The following SPRED2 variants were observed in gnomAD, a reference collection of about 807,000 sequenced individuals.
SPRED2 encodes the protein sprouty related EVH1 domain containing 2, also known as sprouty-related, EVH1 domain-containing protein 2.
A neutral mutation model predicts 43.0 loss-of-function variants in SPRED2; 47 were observed. The observed-to-expected ratio is 1.09, with a 90% CI of 0.87 to 1.40. The LOEUF is 1.40. Among genes scored for constraint, SPRED2 ranks in the 40% most tolerant of loss-of-function variants. SPRED2 has a pLI of 0.00. For missense variants in SPRED2, 561 were observed against 586.4 expected (o/e 0.96, Z 0.45); for synonymous variants, 225 against 225.7 (o/e 1.00, Z 0.03).
At chr2:65,405,488 C>T (rs190862822) in intron 1 of SPRED2, among the ~76,000 whole-genome samples, 131 of 152,238 alleles carry the variant, frequency 8.6e-4, no homozygotes, top group African/African-American at 3.1e-3. Flanking sequence ...AGTCTTTTCC[C>T]CCTCTCATCA....
At chr2:65,381,818 T>C (rs909094848) in intron 1 of SPRED2, among the ~76,000 whole-genome samples, 1 of 152,222 alleles carries the variant, frequency 6.6e-6, no homozygotes, top group African/African-American at 2.4e-5. Flanking sequence ...GAAGTCAACA[T>C]GAGACTCCTC....
chr2:65,308,534 AAG>A (rs890837164), downstream of SPRED2: 3 of 985,324 alleles, frequency 3.0e-6, no homozygotes, highest in African/African-American at 3.5e-5. Flanking sequence ...TGTGCCTTGA[AAG>A]AGGTTGTTCT....
In SPRED2 at chr2:65,428,969, GTAAATTT is replaced by G. The variant is rs531442419; in HGVS notation, c.26+2986_26+2992del. On this transcript the variant is annotated intron_variant, in intron 1 of 5. Coordinates refer to ENST00000356388, the MANE Select transcript of SPRED2 (RefSeq NM_181784.3). Reference sequence around the variant, plus strand: ...TATATTTTTAAAAGTCTGTATAATTGTAAATTTTAACATGCATTTTTATGTGGAGGGG... The same window carrying G: ...TATATTTTTAAAAGTCTGTATAATTGTAACATGCATTTTTATGTGGAGGGG... Among the ~76,000 whole-genome samples the G allele has an allele frequency of 2.6e-3, 402 of 152,292 alleles. 1 individual carries two copies. The highest frequency in any genetic ancestry group is 9.4e-3 in the African/African-American group (389 of 41,556).
At position 65,334,692 on chromosome 2, in the gene SPRED2, T is replaced by C; in HGVS notation, c.286A>G (p.Arg96Gly). 6.2e-7 allele frequency: 1 copy of C among 1,614,244 alleles called. No individual in the cohort carries two copies. The highest frequency in any genetic ancestry group is 8.5e-7 in the Non-Finnish European group (1 of 1,180,042). ...CTTTGGAAAGTAAGTCCAAACTTCCTATTATCGACCTTCCAGTGATGAAAC... is the reference window on the plus strand; with the variant it reads ...CTTTGGAAAGTAAGTCCAAACTTCCCATTATCGACCTTCCAGTGATGAAAC... ...PTFHHWKVDNRKFGLTFQSPA... is the reference protein window; with the variant it reads ...PTFHHWKVDNGKFGLTFQSPA... Residue 96 changes from arginine (R) to glycine (G), a missense_variant, in exon 3 of 6, where the codon AGG (arginine) becomes GGG (glycine). Arg to Gly is a moderately radical substitution (Grantham distance 125, BLOSUM62 -2). Coordinates refer to ENST00000356388, the MANE Select transcript of SPRED2 (RefSeq NM_181784.3).
At chr2:65,322,455 G>A (rs1219633657) in intron 4 of SPRED2, among the ~76,000 whole-genome samples, 5 of 151,352 alleles carry the variant, frequency 3.3e-5, no homozygotes, top group African/African-American at 7.3e-5. Flanking sequence ...CACCACACCC[G>A]GCTAATACTT....
At chr2:65,406,966 T>A (rs370496835) in intron 1 of SPRED2, among the ~76,000 whole-genome samples, 1 of 151,444 alleles carries the variant, frequency 6.6e-6, no homozygotes, top group Admixed American at 6.6e-5. Flanking sequence ...TCTCGCTCTG[T>A]CGCCCAGGCT....
At chr2:65,391,087 CAA>C (rs572027285) in intron 1 of SPRED2, among the ~76,000 whole-genome samples, 2,026 of 127,166 alleles carry the variant, frequency 0.016, 63 homozygotes, top group African/African-American at 0.056. Context: ...GACTCCATCT[CAA>C]AAAAAAAAAA....
chr2:65,376,628 G>GT (rs200575757), intron 1 of SPRED2, among the ~76,000 whole-genome samples: 2,358 of 152,132 alleles, frequency 0.015, 28 homozygotes, highest in Non-Finnish European at 0.025. Context: ...ATATTAATAT[G>GT]TATTCTCTCC....
intron 1 of SPRED2, among the ~76,000 whole-genome samples, chr2:65,381,016 C>A (rs898338699): frequency 6.6e-6 from 1 of 152,206 alleles, no homozygotes; most frequent in African/African-American, 2.4e-5. Flanking sequence ...CTCTTAGGAT[C>A]CCCATTTTAG....
intron 2 of SPRED2, among the ~76,000 whole-genome samples, chr2:65,342,484 TTA>T (rs1038074827): frequency 7.3e-5 from 11 of 150,430 alleles, no homozygotes; most frequent in African/African-American, 2.7e-4. Context: ...TATACGTATA[TTA>T]TATATGTATG....
At chr2:65,415,609 A>G (rs1676254074) in intron 1 of SPRED2, among the ~76,000 whole-genome samples, 1 of 152,234 alleles carries the variant, frequency 6.6e-6, no homozygotes, top group Non-Finnish European at 1.5e-5. Context: ...CATCTGTGTT[A>G]CATCACCAAG....
rs66991368 is a variant in SPRED2, at chr2:65,345,259, G to GTTTT, written c.27-367_27-364dup. 6.0e-3 allele frequency among the ~76,000 whole-genome samples: 662 copies of GTTTT among 111,260 alleles called. 4 individuals carry two copies. Among genetic ancestry groups the GTTTT allele is most frequent in the East Asian group, 0.022 (61 of 2,806 alleles). 73.0% of individuals were successfully genotyped at this position (111,260 alleles called of 152,430 possible). A position where few individuals can be genotyped will look rare whatever the true frequency, so the allele number is the denominator to read the frequency against. On this transcript the variant is annotated intron_variant, in intron 1 of 5. Transcript: ENST00000356388. Reference sequence around the variant, plus strand: ...ACACCTATTTTGGTTTTTAGTTGTTGTTTTTTTTTTTTTTTTTTTTTGAGA... The same window carrying GTTTT: ...ACACCTATTTTGGTTTTTAGTTGTTGTTTTTTTTTTTTTTTTTTTTTTTTTGAGA...
intron 1 of SPRED2, among the ~76,000 whole-genome samples, chr2:65,350,725 C>T (rs1212076967): frequency 1.3e-5 from 2 of 152,222 alleles, no homozygotes; most frequent in Non-Finnish European, 1.5e-5. Context: ...GGATTAGCAT[C>T]TCCACAGGAA....
chr2:65,363,149 G>C (rs1674874105), intron 1 of SPRED2, among the ~76,000 whole-genome samples: 1 of 146,832 alleles, frequency 6.8e-6, no homozygotes, highest in Non-Finnish European at 1.5e-5. Context: ...TGAGGCAGGA[G>C]AATCACTTGA....
chr2:65,389,228 A>C (rs895092413), intron 1 of SPRED2, among the ~76,000 whole-genome samples: 1 of 148,736 alleles, frequency 6.7e-6, no homozygotes, highest in Admixed American at 6.8e-5. Context: ...ACAGCAATAC[A>C]AAGACATGCT....
In SPRED2 at chr2:65,313,481, G is replaced by T; in HGVS notation, c.*20C>A. The T allele has an allele frequency of 6.3e-7, 1 of 1,581,556 alleles. No homozygotes were observed. The highest frequency in any genetic ancestry group is 1.2e-5 in the South Asian group (1 of 84,778). On this transcript the variant is annotated 3_prime_UTR_variant, in exon 6 of 6. Coordinates refer to ENST00000356388, the MANE Select transcript of SPRED2 (RefSeq NM_181784.3). ...GTTCCCCTGTGGCTGCGGATGGAGG[G>T]AGAAGGGAGGGAAACTGAGTCACGC...
intron 4 of SPRED2, among the ~76,000 whole-genome samples, chr2:65,328,509 C>T (rs558419459): frequency 2.6e-5 from 4 of 152,212 alleles, no homozygotes; most frequent in Admixed American, 1.3e-4. Context: ...ATGGAAGTGT[C>T]GATCTGTACT....
rs191896050 is a variant in SPRED2 at position 65,359,698 on chromosome 2, G to A, written c.27-14802C>T. Among the ~76,000 whole-genome samples the A allele has an allele frequency of 1.3e-3, 192 of 152,284 alleles. 1 individual carries two copies. Among genetic ancestry groups the A allele is most frequent in the Middle Eastern group, 6.8e-3 (2 of 294 alleles). On this transcript the variant is annotated intron_variant, in intron 1 of 5. Transcript: ENST00000356388. ...TAATCCCAGCACTGTGGGAGGCTGA[G>A]GCGGGTGGATCATGAGGTCAGGAGA...
chr2:65,428,496 T>C (rs570808670), intron 1 of SPRED2, among the ~76,000 whole-genome samples: 2 of 152,372 alleles, frequency 1.3e-5, no homozygotes, highest in South Asian at 2.1e-4. Context: ...TTGTAAAATG[T>C]GATAATAGTA....
Sources: allele counts gnomAD v4.1 joint callset (sites outside exome capture counted in the v4.1 genomes callset), GRCh38; gene constraint gnomAD v4.1.1; transcripts MANE v1.5; gene names NCBI Gene and HGNC (gene_info 2026-07-23, HGNC 2026-07-21).